The following GFRA1 variants were observed in gnomAD, a reference collection of about 807,000 sequenced individuals.
GFRA1 encodes GDNF family receptor alpha 1.
GFRA1 carries 16 observed loss-of-function variants against 51.6 expected under a neutral mutation model. That is an observed-to-expected ratio of 0.31 (90% CI 0.21 to 0.47). The LOEUF is 0.47. Ranked by LOEUF, GFRA1 falls within the 20% of genes least tolerant of loss-of-function variation. GFRA1 has a pLI of 1.00. For synonymous variants in GFRA1, 270 were observed against 241.3 expected (o/e 1.12, Z -1.10); for missense variants, 530 against 594.3 (o/e 0.89, Z 1.13).
chr10:116,103,967 C>T lies in GFRA1; in HGVS notation c.771-7203G>A, dbSNP rs374322382. On this transcript the variant is annotated intron_variant, in intron 6 of 10. Transcript: ENST00000355422. ...CTAGTATTTGCCTAGGAGTAGGCTA[C>T]GGAGCTGCGGAGCTGGGGAGCTGAG... Among the ~76,000 whole-genome samples, 160 of 152,234 alleles carry T rather than the reference C, an allele frequency of 1.1e-3. 5 individuals are homozygous for T. The South Asian group carries it at 0.03, about 29-fold the overall frequency.
At chr10:116,104,857 C>T (rs891103072) in intron 6 of GFRA1, among the ~76,000 whole-genome samples, 1 of 152,128 alleles carries the variant, frequency 6.6e-6, no homozygotes, top group Non-Finnish European at 1.5e-5. Flanking sequence ...AAGGGGCTTT[C>T]AGCAGCCTTA....
At chr10:116,166,601 G>A (rs1034657174) in intron 5 of GFRA1, among the ~76,000 whole-genome samples, 4 of 151,722 alleles carry the variant, frequency 2.6e-5, no homozygotes, top group Non-Finnish European at 5.9e-5. Flanking sequence ...CTGACCCTCG[G>A]TCTTACTGTG....
intron 4 of GFRA1, among the ~76,000 whole-genome samples, chr10:116,260,580 T>C (rs920935751): frequency 3.9e-5 from 6 of 152,194 alleles, no homozygotes; most frequent in African/African-American, 1.4e-4. Flanking sequence ...AGTATACCTC[T>C]AAAATCTCTC....
intron 4 of GFRA1, among the ~76,000 whole-genome samples, chr10:116,256,385 C>G (rs1239228321): frequency 6.6e-6 from 1 of 152,126 alleles, no homozygotes; most frequent in African/African-American, 2.4e-5. Flanking sequence ...CCCGGTAGGT[C>G]CTGCCCTGGG....
chr10:116,271,975 C>T lies in GFRA1; in HGVS notation c.40+15G>A. ...ACTCAGAGGGTAAGAAAGCCCGCGG[C>T]GGGCCTCGACTTACCCAAGAGCGGC... is the stretch of plus-strand genomic sequence containing the variant. On this transcript the variant is annotated intron_variant, in intron 2 of 10. Coordinates refer to ENST00000355422, the MANE Select transcript of GFRA1 (RefSeq NM_005264.8). 2 of 1,550,828 alleles carry T rather than the reference C, an allele frequency of 1.3e-6. No homozygotes were observed. The highest frequency in any genetic ancestry group is 8.7e-7 in the Non-Finnish European group (1 of 1,145,970).
rs2133740742 is a variant in GFRA1 at position 116,061,014 on chromosome 10, C to T, written c.*3384G>A. On this transcript the variant is annotated 3_prime_UTR_variant, in exon 11 of 11. Coordinates refer to ENST00000355422, the MANE Select transcript of GFRA1 (RefSeq NM_005264.8). ...TCCAAAATGCTTTGGCTCTCCCACT[C>T]TCCTAGTATAGCAGATGGAGTGCTT... 1 of 152,296 alleles carries T rather than the reference C, an allele frequency of 6.6e-6. No homozygotes were observed. Among genetic ancestry groups the T allele is most frequent in the Admixed American group, 6.5e-5 (1 of 15,304 alleles). The allele number at this position is 152,296 out of a possible 1,614,324, so 9.4% of individuals were successfully genotyped here.
intron 4 of GFRA1, among the ~76,000 whole-genome samples, chr10:116,221,835 C>T (rs186965726): frequency 6.6e-6 from 1 of 152,238 alleles, no homozygotes; most frequent in African/African-American, 2.4e-5. Context: ...CAGAGACTGC[C>T]TAGATACACA....
chr10:116,183,492 T>C (rs967858546), intron 5 of GFRA1, among the ~76,000 whole-genome samples: 2 of 152,196 alleles, frequency 1.3e-5, no homozygotes, highest in South Asian at 2.1e-4. Context: ...TGAAACCTGG[T>C]TGGCCTGAAA....
rs187518146 is a variant in GFRA1, at chr10:116,268,566, C to A, written c.418+937G>T. 1.8e-3 allele frequency among the ~76,000 whole-genome samples: 272 copies of A among 152,170 alleles called. 1 individual carries two copies. Among genetic ancestry groups the A allele is most frequent in the African/African-American group, 6.4e-3 (265 of 41,554 alleles). ...TCAGTATTTATACACTCCCTTGATTCTGTGGCTTTTCTGCAAAAAAACACA... is the reference window on the plus strand; with the variant it reads ...TCAGTATTTATACACTCCCTTGATTATGTGGCTTTTCTGCAAAAAAACACA... On this transcript the variant is annotated intron_variant, in intron 4 of 10. Transcript: ENST00000355422.
intron 4 of GFRA1, among the ~76,000 whole-genome samples, chr10:116,232,635 G>A (rs953817275): frequency 9.9e-5 from 15 of 152,034 alleles, no homozygotes; most frequent in African/African-American, 3.6e-4. Flanking sequence ...GAGAGAAAAG[G>A]AGAATTGCAA....
At chr10:116,084,404 A>G (rs1487172638) in intron 9 of GFRA1, among the ~76,000 whole-genome samples, 2 of 152,186 alleles carry the variant, frequency 1.3e-5, no homozygotes, top group African/African-American at 4.8e-5. Flanking sequence ...GTGACTCACA[A>G]AAGTAATCTC....
chr10:116,234,386 T>C (rs1966842559), intron 4 of GFRA1, among the ~76,000 whole-genome samples: 1 of 152,184 alleles, frequency 6.6e-6, no homozygotes, highest in Admixed American at 6.5e-5. Context: ...AATCCTAAAA[T>C]GCAGCCAGTG....
At position 116,125,226 on chromosome 10, in the gene GFRA1, G is replaced by A; in HGVS notation, c.765C>T (p.Ile255=). 2 of 1,613,306 alleles carry A rather than the reference G, an allele frequency of 1.2e-6. No homozygotes were observed. Among genetic ancestry groups the A allele is most frequent in the Non-Finnish European group, 1.7e-6 (2 of 1,179,254 alleles). ...AGCTGCCAGTGCCCACTTACCTGCA[G>A]ATGTAATTCGTCTTGCAGGAGTCCT... is the stretch of plus-strand genomic sequence containing the variant. ...NLQDSCKTNY[I]CRSRLADFFT... is the part of the protein sequence containing the mutation. Residue 255 remains isoleucine, a synonymous_variant, in exon 6 of 11, where the codon ATC becomes ATT. Transcript: ENST00000355422.
intron 4 of GFRA1, among the ~76,000 whole-genome samples, chr10:116,220,519 A>G (rs1366849716): frequency 6.6e-6 from 1 of 152,192 alleles, no homozygotes; most frequent in Non-Finnish European, 1.5e-5. Flanking sequence ...CTTCAAAGTA[A>G]ACAGAAGACA....
chr10:116,159,997 C>G (rs1379606958), intron 5 of GFRA1, among the ~76,000 whole-genome samples: 2 of 152,174 alleles, frequency 1.3e-5, no homozygotes, highest in Non-Finnish European at 2.9e-5. Context: ...GTGAAATTTA[C>G]TTTTTCTTCA....
chr10:116,088,920 CAAAAAAAAAAAA>C (rs58590152), intron 9 of GFRA1, among the ~76,000 whole-genome samples: 1 of 49,012 alleles, frequency 2.0e-5, no homozygotes, highest in African/African-American at 1.2e-4. Flanking sequence ...GACTCTGTCT[CAAAAAAAAAAAA>C]AAAAAAAAAA....
Position 116,093,467 on chromosome 10 carries a change from T to A in GFRA1, c.1015+235A>T, listed in dbSNP as rs77093075. On this transcript the variant is annotated intron_variant, in intron 8 of 10. Transcript: ENST00000355422. ...CACAGTCTTAGCAGCACCCAGTTCATCACTTGCTGGGTTCCCTGCTGCATT... is the reference window on the plus strand; with the variant it reads ...CACAGTCTTAGCAGCACCCAGTTCAACACTTGCTGGGTTCCCTGCTGCATT... Among the ~76,000 whole-genome samples, 928 of 152,296 alleles carry A rather than the reference T, an allele frequency of 6.1e-3. 11 individuals are homozygous for A. Among genetic ancestry groups the A allele is most frequent in the African/African-American group, 0.021 (893 of 41,556 alleles).
chr10:116,166,780 C>CTTCTTTT lies in GFRA1; in HGVS notation c.434-41224_434-41223insAAAAGAA, dbSNP rs1267031089. 8.4e-4 allele frequency among the ~76,000 whole-genome samples: 64 copies of CTTCTTTT among 76,456 alleles called. 3 individuals carry two copies. Among genetic ancestry groups the CTTCTTTT allele is most frequent in the African/African-American group, 3.8e-3 (64 of 17,032 alleles). 50.2% of individuals were successfully genotyped at this position (76,456 alleles called of 152,430 possible). The stretch of plus-strand genomic sequence containing the variant: ...TCCCTTGAAGGATAGCAACAATCTT[C>CTTCTTTT]TTTTTTTTTTTTTTTTTTTTTTTTT... On this transcript the variant is annotated intron_variant, in intron 5 of 10. Transcript: ENST00000355422.
chr10:116,234,511 A>G (rs1966843374), intron 4 of GFRA1, among the ~76,000 whole-genome samples: 2 of 152,200 alleles, frequency 1.3e-5, no homozygotes, highest in African/African-American at 4.8e-5. Context: ...AATTTAGCCA[A>G]CTCATCACAG....
Sources: gnomAD v4.1 joint callset for allele counts (sites outside exome capture counted in the v4.1 genomes callset) on GRCh38, gnomAD v4.1.1 for gene constraint, MANE v1.5 for transcripts, NCBI Gene and HGNC (gene_info 2026-07-23, HGNC 2026-07-21) for gene names.